The following HSPA4L variants were observed in gnomAD, a reference collection of about 807,000 sequenced individuals.
HSPA4L encodes the protein heat shock protein family A (Hsp70) member 4 like, also known as heat shock 70 kDa protein 4L.
In HSPA4L, 48 loss-of-function variants were observed where a neutral mutation model predicts 100.3. The ratio of observed to expected loss-of-function variants is 0.48; its 90% CI spans 0.38 to 0.61. HSPA4L has a LOEUF of 0.61. Ranked by LOEUF, HSPA4L falls within the 20% of genes least tolerant of loss-of-function variation. The pLI, the probability that HSPA4L is intolerant of heterozygous loss-of-function variation, is 0.00. For synonymous variants in HSPA4L, 319 were observed against 328.2 expected, an observed-to-expected ratio of 0.97 and a Z score of 0.30; for missense variants, 886 against 988.6, an observed-to-expected ratio of 0.90 and a Z score of 1.39.
At chr4:127,785,581 G>C (rs114549849) in intron 1 of HSPA4L, among the ~76,000 whole-genome samples, 3,575 of 152,032 alleles carry the variant, frequency 0.024, 125 homozygotes, top group African/African-American at 0.082. Flanking sequence ...GGAATTACAG[G>C]CAACGACCAC....
intron 12 of HSPA4L, among the ~76,000 whole-genome samples, chr4:127,814,711 C>G (rs923288072): frequency 1.3e-5 from 2 of 152,130 alleles, no homozygotes; most frequent in Non-Finnish European, 2.9e-5. Flanking sequence ...AGATTACAGG[C>G]ATACGCCACC....
chr4:127,816,332 A>C (rs1733669227), intron 12 of HSPA4L, among the ~76,000 whole-genome samples: 2 of 152,320 alleles, frequency 1.3e-5, no homozygotes, highest in Non-Finnish European at 1.5e-5. Context: ...ATTTTAAAGA[A>C]TTAACAGTTT....
intron 18 of HSPA4L, among the ~76,000 whole-genome samples, chr4:127,831,501 TAAAA>T (rs770152039): frequency 1.9e-5 from 2 of 103,418 alleles, no homozygotes; most frequent in Non-Finnish European, 1.9e-5. Flanking sequence ...CCTTGTCTAT[TAAAA>T]AAAAAAAAAA....
In HSPA4L at chr4:127,834,399, A is replaced by G. The variant is rs1337694690; in HGVS notation, c.*1525A>G. The G allele has an allele frequency of 1.3e-5, 2 of 152,218 alleles. No individual in the cohort carries two copies. The highest frequency in any genetic ancestry group is 2.9e-5 in the Non-Finnish European group (2 of 68,022). 9.4% of individuals were successfully genotyped at this position (152,218 alleles called of 1,614,324 possible). ...CATTATTTCTCACAACTAGTTCTCT[A>G]CGAGAGATTTTGTTTCTACAATGTA... On this transcript the variant is annotated 3_prime_UTR_variant, in exon 19 of 19. Transcript: ENST00000296464.
chr4:127,790,520 C>T (rs1163021498), intron 1 of HSPA4L, among the ~76,000 whole-genome samples: 6 of 152,172 alleles, frequency 3.9e-5, no homozygotes, highest in Admixed American at 6.5e-5. Context: ...CTGCTATACC[C>T]TTATTTTCCT....
At chr4:127,782,080 C>G (rs1732567755), upstream of HSPA4L, 1 of 455,604 alleles carries the variant, frequency 2.2e-6, no homozygotes. Flanking sequence ...CCTCCTTTCC[C>G]CGATCCTCCC....
chr4:127,784,182 G>T (rs1031733623), intron 1 of HSPA4L, among the ~76,000 whole-genome samples: 2 of 152,236 alleles, frequency 1.3e-5, no homozygotes, highest in Non-Finnish European at 2.9e-5. Context: ...GGTTAAAAAT[G>T]GGAGCAATCT....
rs1407081050 is a variant in HSPA4L at position 127,834,018 on chromosome 4, C to T, written c.*1144C>T. The T allele has an allele frequency of 6.6e-6, 1 of 152,156 alleles. No individual in the cohort carries two copies. Among genetic ancestry groups the T allele is most frequent in the Non-Finnish European group, 1.5e-5 (1 of 67,996 alleles). 9.4% of individuals were successfully genotyped at this position (152,156 alleles called of 1,614,324 possible). The stretch of plus-strand genomic sequence containing the variant: ...TTAACATTACCTTTTGAAACCTTGG[C>T]TCCAGTTTTGGTGCTTCTTATACAA... On this transcript the variant is annotated 3_prime_UTR_variant, in exon 19 of 19. Coordinates refer to ENST00000296464, the MANE Select transcript of HSPA4L (RefSeq NM_014278.4).
chr4:127,819,321 A>C lies in HSPA4L; in HGVS notation c.1674+901A>C, dbSNP rs779751928. Among the ~76,000 whole-genome samples the C allele has an allele frequency of 6.8e-4, 103 of 152,146 alleles. 1 individual carries two copies. The highest frequency in any genetic ancestry group is 1.0e-3 in the Non-Finnish European group (71 of 68,010). The stretch of plus-strand genomic sequence containing the variant: ...TGTGGTTATAACTCTTAAAGCTATC[A>C]TCTTCAACAGATTTTTCTAACCTGC... On this transcript the variant is annotated intron_variant, in intron 13 of 18. Transcript: ENST00000296464.
chr4:127,790,942 A>G (rs1418120908), intron 1 of HSPA4L, among the ~76,000 whole-genome samples: 1 of 152,130 alleles, frequency 6.6e-6, no homozygotes, highest in East Asian at 1.9e-4. Flanking sequence ...AACATGGTGA[A>G]ACCCTATCTC....
At position 127,820,421 on chromosome 4, in the gene HSPA4L, T is replaced by C. The variant is rs976041540; in HGVS notation, c.1675-7T>C. On this transcript the variant is annotated splice_region_variant and splice_polypyrimidine_tract_variant and intron_variant, in intron 13 of 18. Coordinates refer to ENST00000296464, the MANE Select transcript of HSPA4L (RefSeq NM_014278.4). ...TAGAAATTTATACTTCTCTTTCGGA[T>C]TTGCAGTCAGCTGTCTCAGACAAAC... 4 of 1,572,822 alleles carry C rather than the reference T, an allele frequency of 2.5e-6. No homozygotes were observed. In the African/African-American group the frequency reaches 5.5e-5, roughly 22 times the overall value.
chr4:127,783,580 T>C, intron 1 of HSPA4L: 1 of 1,532,396 alleles, frequency 6.5e-7, no homozygotes, highest in Non-Finnish European at 8.7e-7. Context: ...AATGAAGTAA[T>C]TCTGAAATAT....
intron 14 of HSPA4L, 52 bp from the exon 15 acceptor site, chr4:127,822,717 T>C: frequency 6.3e-7 from 1 of 1,576,154 alleles, no homozygotes; most frequent in Non-Finnish European, 8.6e-7. Context: ...TTTTGATTTC[T>C]ATTTCCCTAA....
chr4:127,799,698 C>T (rs906478459), intron 4 of HSPA4L, among the ~76,000 whole-genome samples: 3 of 152,156 alleles, frequency 2.0e-5, no homozygotes, highest in African/African-American at 7.2e-5. Flanking sequence ...AAATTCATGT[C>T]AGAACAGAGT....
chr4:127,793,845 C>G (rs1297077255), intron 1 of HSPA4L, among the ~76,000 whole-genome samples: 1 of 152,156 alleles, frequency 6.6e-6, no homozygotes, highest in East Asian at 1.9e-4. Context: ...TGGAGATCAA[C>G]ATTGTATTGC....
Position 127,835,227 on chromosome 4 carries a change from AGAAT to A in HSPA4L, c.*2357_*2360del, listed in dbSNP as rs1158431286. The A allele has an allele frequency of 6.6e-6, 1 of 152,210 alleles. No homozygotes were observed. Among genetic ancestry groups the A allele is most frequent in the African/African-American group, 2.4e-5 (1 of 41,466 alleles). 9.4% of individuals were successfully genotyped at this position (152,210 alleles called of 1,614,324 possible). A position where few individuals can be genotyped will look rare whatever the true frequency, so the allele number is the denominator to read the frequency against. ...AGTGTTTTCCTATGGTAAGCAAATAAGAATGAAGTTTGTAGGGAATATTTGGAAT... is the reference window on the plus strand; with the variant it reads ...AGTGTTTTCCTATGGTAAGCAAATAAGAAGTTTGTAGGGAATATTTGGAAT... On this transcript the variant is annotated 3_prime_UTR_variant, in exon 19 of 19. Transcript: ENST00000296464.
chr4:127,782,929 G>T (rs2148771697), intron 1 of HSPA4L, among the ~76,000 whole-genome samples: 1 of 152,180 alleles, frequency 6.6e-6, no homozygotes, highest in East Asian at 1.9e-4. Flanking sequence ...CCCCTGCCTC[G>T]TGCCGCTGTC....
At chr4:127,821,157 A>G (rs955630640) in intron 14 of HSPA4L, among the ~76,000 whole-genome samples, 10 of 152,108 alleles carry the variant, frequency 6.6e-5, no homozygotes, top group African/African-American at 2.4e-4. Context: ...CAGTCTTCTG[A>G]CTTTACAATG....
intron 15 of HSPA4L, 67 bp downstream of exon 15, chr4:127,822,961 A>G: frequency 8.4e-6 from 12 of 1,431,440 alleles, no homozygotes; most frequent in Non-Finnish European, 1.2e-5. Flanking sequence ...TGCTAGTACA[A>G]ATTACATAAA....
Sources: allele counts gnomAD v4.1 joint callset (sites outside exome capture counted in the v4.1 genomes callset), GRCh38; gene constraint gnomAD v4.1.1; transcripts MANE v1.5; gene names NCBI Gene and HGNC (gene_info 2026-07-23, HGNC 2026-07-21).